Variants in ULK2 observed in about 807,000 individuals in gnomAD.
The protein encoded by ULK2 is serine/threonine-protein kinase ULK2.
A neutral mutation model predicts 127.5 loss-of-function variants in ULK2; 76 were observed. That is an observed-to-expected ratio of 0.60 (90% CI 0.50 to 0.72). ULK2 has a LOEUF of 0.72. Among genes scored for constraint, ULK2 ranks in the 30% least tolerant of loss-of-function variants. ULK2 has a pLI of 0.00. For synonymous variants in ULK2, 452 were observed against 461.9 expected (o/e 0.98, Z 0.28); for missense variants, 1,144 against 1,295.9 (o/e 0.88, Z 1.80).
chr17:19,850,379 T>A (rs1463160571), intron 3 of ULK2, among the ~76,000 whole-genome samples: 1 of 152,168 alleles, frequency 6.6e-6, no homozygotes, highest in Non-Finnish European at 1.5e-5. Flanking sequence ...TCTTAAAAAG[T>A]CTCTCAAATC....
intron 10 of ULK2, among the ~76,000 whole-genome samples, chr17:19,833,989 CAG>C (rs910654818): frequency 6.6e-6 from 1 of 152,130 alleles, no homozygotes; most frequent in Non-Finnish European, 1.5e-5. Flanking sequence ...AGGATAAACA[CAG>C]AGATACACAT....
intron 10 of ULK2, among the ~76,000 whole-genome samples, chr17:19,833,367 A>T (rs1213100499): frequency 6.7e-6 from 1 of 148,904 alleles, no homozygotes; most frequent in Non-Finnish European, 1.5e-5. Context: ...TTATAAACAA[A>T]TTTTTTTTTT....
At chr17:19,823,377 C>T (rs1880689471) in intron 12 of ULK2, among the ~76,000 whole-genome samples, 1 of 151,966 alleles carries the variant, frequency 6.6e-6, no homozygotes, top group African/African-American at 2.4e-5. Flanking sequence ...CCAACAAAAA[C>T]CCCAAAATGC....
intron 25 of ULK2, among the ~76,000 whole-genome samples, chr17:19,779,635 T>G (rs899952994): frequency 2.0e-5 from 3 of 151,954 alleles, no homozygotes; most frequent in Admixed American, 6.6e-5. Flanking sequence ...ATTTATACTT[T>G]AGAGTAATTT....
intron 3 of ULK2, among the ~76,000 whole-genome samples, chr17:19,864,412 T>C (rs1285890884): frequency 6.6e-6 from 1 of 151,950 alleles, no homozygotes; most frequent in African/African-American, 2.4e-5. Flanking sequence ...GAGGTAGCAG[T>C]TGCAGTGAGC....
chr17:19,825,163 G>A lies in ULK2; in HGVS notation c.855C>T (p.Pro285=). ...PVKKSCPVPV[P]MYSGSVSGSS... Reference sequence around the variant, plus strand: ...TTCCAGAGACAGAACCAGAATACATGGGCACTGGAACTGGGCAAGCTAGGG... The same window carrying A: ...TTCCAGAGACAGAACCAGAATACATAGGCACTGGAACTGGGCAAGCTAGGG... Residue 285 remains proline (P), a synonymous_variant, in exon 12 of 27, where the codon CCC becomes CCT. Coordinates refer to ENST00000395544, the MANE Select transcript of ULK2 (RefSeq NM_014683.4). 1 of 1,614,076 alleles carries A rather than the reference G, an allele frequency of 6.2e-7. No homozygotes were observed. The highest frequency in any genetic ancestry group is 8.5e-7 in the Non-Finnish European group (1 of 1,180,014).
intron 9 of ULK2, 149 bp from the exon 10 acceptor site, chr17:19,838,732 AAAG>A (rs2041659620): frequency 3.1e-6 from 2 of 651,104 alleles, no homozygotes; most frequent in Non-Finnish European, 5.0e-6. Context: ...AGAGTCATCT[AAAG>A]AAGGGAAAAA....
chr17:19,808,056 A>C (rs950218938), intron 14 of ULK2, among the ~76,000 whole-genome samples: 9 of 152,182 alleles, frequency 5.9e-5, no homozygotes, highest in African/African-American at 2.2e-4. Context: ...CAGCAAGCCG[A>C]AATCGCACCA....
chr17:19,788,105 C>G (rs747706267), intron 20 of ULK2, among the ~76,000 whole-genome samples: 1 of 152,110 alleles, frequency 6.6e-6, no homozygotes, highest in Admixed American at 6.5e-5. Flanking sequence ...CAAGCTAAAG[C>G]GCTCCGGGTC....
At chr17:19,802,328 A>G (rs570993086) in intron 15 of ULK2, among the ~76,000 whole-genome samples, 1 of 152,288 alleles carries the variant, frequency 6.6e-6, no homozygotes, top group African/African-American at 2.4e-5. Flanking sequence ...AAGACCCCAG[A>G]GAGTTCTGTT....
At position 19,867,467 on chromosome 17, in the gene ULK2, G is replaced by C; in HGVS notation, c.-50C>G. 4.0e-6 allele frequency: 6 copies of C among 1,491,966 alleles called. No individual in the cohort carries two copies. Among genetic ancestry groups the C allele is most frequent in the Non-Finnish European group, 5.4e-6 (6 of 1,105,244 alleles). The allele number at this position is 1,491,966 out of a possible 1,614,324, so 92.4% of individuals were successfully genotyped here. The stretch of plus-strand genomic sequence containing the variant: ...GGACGGGCGGGCGGCGCAGTGCGGC[G>C]CAGGTATCAGCACCGCGGCTCCGCG... On this transcript the variant is annotated 5_prime_UTR_variant, in exon 1 of 27. Coordinates refer to ENST00000395544, the MANE Select transcript of ULK2 (RefSeq NM_014683.4).
In ULK2 at chr17:19,773,371, T is replaced by A. The variant is rs2086762982; in HGVS notation, c.*2978A>T. 6.6e-6 allele frequency: 1 copy of A among 152,234 alleles called. No homozygotes were observed. The highest frequency in any genetic ancestry group is 2.1e-4 in the South Asian group (1 of 4,826). The allele number at this position is 152,234 out of a possible 1,614,324, so 9.4% of individuals were successfully genotyped here. ...TAACTCAACTTATTACTGTGCAGAC[T>A]GAGGCAATCCAGCCCTAAAAATCCT... On this transcript the variant is annotated 3_prime_UTR_variant, in exon 27 of 27. Coordinates refer to ENST00000395544, the MANE Select transcript of ULK2 (RefSeq NM_014683.4).
chr17:19,839,964 T>TACAC (rs60058833), intron 9 of ULK2, among the ~76,000 whole-genome samples: 174 of 147,696 alleles, frequency 1.2e-3, no homozygotes, highest in African/African-American at 2.9e-3. Context: ...TACACACACA[T>TACAC]ACACACACAC....
At chr17:19,843,337 C>T (rs1263242537) in intron 7 of ULK2, 115 bp from the exon 8 acceptor site, 2 of 601,588 alleles carry the variant, frequency 3.3e-6, no homozygotes, top group Admixed American at 3.1e-5. Flanking sequence ...TAAAACAACA[C>T]CCTGTGATAG....
chr17:19,857,161 C>T (rs1387542385), intron 3 of ULK2, among the ~76,000 whole-genome samples: 1 of 151,114 alleles, frequency 6.6e-6, no homozygotes, highest in Non-Finnish European at 1.5e-5. Context: ...CAGACATTAG[C>T]CAGGTGTGGT....
chr17:19,795,536 A>AT, intron 20 of ULK2, 86 bp downstream of exon 20: 1 of 1,081,502 alleles, frequency 9.2e-7, no homozygotes, highest in Non-Finnish European at 1.4e-6. Context: ...GCCACCAAGC[A>AT]TGTGATGATT....
In ULK2 at chr17:19,816,871, G is replaced by A. The variant is rs1261253026; in HGVS notation, c.974C>T (p.Pro325Leu). The A allele has an allele frequency of 3.1e-6, 5 of 1,610,608 alleles. No homozygotes were observed. Among genetic ancestry groups the A allele is most frequent in the South Asian group, 1.1e-5 (1 of 90,234 alleles). Residue 325 changes from proline (P) to leucine (L), a missense_variant, in exon 13 of 27, where the codon CCA (proline) becomes CTA (leucine). Pro to Leu is a moderately conservative substitution (Grantham distance 98). This residue lies in a region of ULK2 where 913 missense variants were observed against 970.5 expected (regional missense o/e 0.94). Transcript: ENST00000395544. The part of the protein sequence containing the change: ...HIQEENLSSP[P>L]LGPPNYLQVS... ...TTGTAGATAGTTGGGAGGACCCAAT[G>A]GTGGGGAAGATAAGTTTTCTTCCTG...
At position 19,816,750 on chromosome 17, in the gene ULK2, T is replaced by C. The variant is rs2040999166; in HGVS notation, c.1095A>G (p.Ser365=). 2 of 1,572,906 alleles carry C rather than the reference T, an allele frequency of 1.3e-6. No individual in the cohort carries two copies. Among genetic ancestry groups the C allele is most frequent in the South Asian group, 1.2e-5 (1 of 82,722 alleles). The change falls in exon 13 of 27, where the codon TCA becomes TCG. Residue 365 remains serine (S), a splice_region_variant and synonymous_variant. Transcript: ENST00000395544. The part of the protein sequence containing the change: ...LVPHNISSDH[S]CDMPVGTAGR... ...TGTACAAGTAGAAAAGATTCTCACA[T>C]GAGTGGTCTGACGAGATGTTGTGTG...
chr17:19,809,821 C>A (rs1288124035), intron 14 of ULK2, among the ~76,000 whole-genome samples: 1 of 151,300 alleles, frequency 6.6e-6, no homozygotes, highest in Admixed American at 6.6e-5. Flanking sequence ...AGGAGAATGG[C>A]TTGAACCCAG....
Sources: allele counts gnomAD v4.1 joint callset (sites outside exome capture counted in the v4.1 genomes callset), GRCh38; gene constraint gnomAD v4.1.1; regional missense constraint gnomAD v4.1.1; transcripts MANE v1.5; gene names NCBI Gene and HGNC (gene_info 2026-07-23, HGNC 2026-07-21).